The following DCDC2C variants were observed in gnomAD, a reference collection of about 807,000 sequenced individuals.
DCDC2C encodes doublecortin domain-containing protein 2C.
A neutral mutation model predicts 45.0 loss-of-function variants in DCDC2C; 44 were observed. The observed-to-expected ratio is 0.98, with a 90% CI of 0.77 to 1.26. The LOEUF (loss-of-function observed/expected upper bound fraction) is 1.26. Ranked by LOEUF, DCDC2C falls within the 50% of genes most tolerant of loss-of-function variation. The pLI is 0.00. For synonymous variants in DCDC2C, 187 were observed against 178.8 expected, an observed-to-expected ratio of 1.05 and a Z score of -0.37; for missense variants, 447 against 468.9, an observed-to-expected ratio of 0.95 and a Z score of 0.43.
intron 9 of DCDC2C, among the ~76,000 whole-genome samples, chr2:3,782,002 C>T (rs566812069): frequency 2.0e-5 from 3 of 152,342 alleles, no homozygotes; most frequent in South Asian, 2.1e-4. Flanking sequence ...CCATTTTCAA[C>T]GTGCAGTTCA....
chr2:3,835,614 T>C (rs1309618945), intron 10 of DCDC2C, among the ~76,000 whole-genome samples: 1 of 152,218 alleles, frequency 6.6e-6, no homozygotes, highest in Non-Finnish European at 1.5e-5. Flanking sequence ...TGAAAGGAAG[T>C]AACAGTGAAC....
At chr2:3,763,633 T>C (rs1255856637) in intron 6 of DCDC2C, among the ~76,000 whole-genome samples, 4 of 152,196 alleles carry the variant, frequency 2.6e-5, no homozygotes, top group Non-Finnish European at 4.4e-5. Flanking sequence ...CCCTGGAATA[T>C]ATGTCCTACT....
chr2:3,766,309 C>CGT (rs1670010989), intron 6 of DCDC2C, among the ~76,000 whole-genome samples: 2 of 122,010 alleles, frequency 1.6e-5, no homozygotes, highest in South Asian at 2.6e-4. Context: ...TACACACACA[C>CGT]GCACACACAC....
intron 10 of DCDC2C, among the ~76,000 whole-genome samples, chr2:3,802,909 G>A (rs1207171426): frequency 6.6e-6 from 1 of 152,058 alleles, no homozygotes; most frequent in African/African-American, 2.4e-5. Flanking sequence ...CAGGACTTTG[G>A]TTCTACTCAC....
At position 3,734,432 on chromosome 2, in the gene DCDC2C, C is replaced by T. The variant is rs1000672405; in HGVS notation, c.416+7353C>T. Among the ~76,000 whole-genome samples the T allele has an allele frequency of 2.4e-4, 36 of 152,122 alleles. No individual in the cohort carries two copies. Among genetic ancestry groups the T allele is most frequent in the African/African-American group, 7.0e-4 (29 of 41,468 alleles). ...AGACAATCATCTGATGTTGGTGACA[C>T]GGGTGTCACTAACATCCACTAACTA... On this transcript the variant is annotated intron_variant, in intron 3 of 10. Coordinates refer to ENST00000399143, the MANE Select transcript of DCDC2C (RefSeq NM_001287444.2). The surrounding 1 kb of genome is among the most constrained non-coding windows in gnomAD (Gnocchi z 4.2).
chr2:3,724,397 C>T (rs541199326), intron 2 of DCDC2C, among the ~76,000 whole-genome samples: 1 of 152,276 alleles, frequency 6.6e-6, no homozygotes, highest in African/African-American at 2.4e-5. Flanking sequence ...GTTCCTCTCA[C>T]CCTTCTTCCA....
At chr2:3,775,909 T>G (rs1224168979) in intron 8 of DCDC2C, among the ~76,000 whole-genome samples, 3 of 111,494 alleles carry the variant, frequency 2.7e-5, no homozygotes, top group Non-Finnish European at 5.9e-5. Flanking sequence ...GCTGTGGCTG[T>G]GGGCTAGGCA....
At chr2:3,812,021 G>A (rs1260843727) in intron 10 of DCDC2C, among the ~76,000 whole-genome samples, 3 of 149,492 alleles carry the variant, frequency 2.0e-5, no homozygotes, top group Admixed American at 6.6e-5. Flanking sequence ...TGTTAATCAC[G>A]GGTATTGGCC....
intron 10 of DCDC2C, among the ~76,000 whole-genome samples, chr2:3,827,164 T>A (rs1369998369): frequency 6.6e-6 from 1 of 152,142 alleles, no homozygotes; most frequent in African/African-American, 2.4e-5. Context: ...CAGACTTGAT[T>A]AAAATCAGAT....
intron 10 of DCDC2C, among the ~76,000 whole-genome samples, chr2:3,811,042 A>T (rs1319169255): frequency 6.6e-6 from 1 of 152,184 alleles, no homozygotes; most frequent in Non-Finnish European, 1.5e-5. Flanking sequence ...CTTTTTGCCT[A>T]GGATTATCTT....
intron 8 of DCDC2C, among the ~76,000 whole-genome samples, chr2:3,772,659 T>C (rs1416567510): frequency 1.3e-5 from 2 of 149,196 alleles, no homozygotes; most frequent in Non-Finnish European, 3.0e-5. Flanking sequence ...CATTTTGACC[T>C]GTACTTGGAT....
intron 10 of DCDC2C, among the ~76,000 whole-genome samples, chr2:3,791,584 C>T (rs1043780043): frequency 2.0e-5 from 3 of 152,164 alleles, no homozygotes; most frequent in Admixed American, 1.3e-4. Flanking sequence ...TGGAAGCTTC[C>T]CTACTTTCCT....
At chr2:3,737,744 T>C (rs927161371) in intron 3 of DCDC2C, among the ~76,000 whole-genome samples, 1 of 152,196 alleles carries the variant, frequency 6.6e-6, no homozygotes, top group Non-Finnish European at 1.5e-5. Context: ...AAAGTGTTCA[T>C]GGCTAGTGCT....
chr2:3,828,480 C>T (rs1164414817), intron 10 of DCDC2C, among the ~76,000 whole-genome samples: 1 of 151,968 alleles, frequency 6.6e-6, no homozygotes, highest in Non-Finnish European at 1.5e-5. Flanking sequence ...GCCCAGCAAC[C>T]CTTTGGGCTC....
chr2:3,839,302 T>G (rs1672153846), intron 10 of DCDC2C, among the ~76,000 whole-genome samples: 1 of 152,216 alleles, frequency 6.6e-6, no homozygotes, highest in Non-Finnish European at 1.5e-5. Context: ...ACAAACTAAT[T>G]ATACCTTCAA....
intron 9 of DCDC2C, among the ~76,000 whole-genome samples, 158 bp downstream of exon 9, chr2:3,779,042 G>A (rs915303651): frequency 1.3e-5 from 2 of 152,192 alleles, no homozygotes; most frequent in African/African-American, 2.4e-5. Flanking sequence ...GCAGGCAGCC[G>A]TGGACACGAT....
At chr2:3,741,020 T>C (rs987298885) in intron 3 of DCDC2C, among the ~76,000 whole-genome samples, 1 of 152,234 alleles carries the variant, frequency 6.6e-6, no homozygotes, top group African/African-American at 2.4e-5. Flanking sequence ...TTTACATTAT[T>C]TTAATGTGAA....
intron 10 of DCDC2C, among the ~76,000 whole-genome samples, chr2:3,788,828 C>G (rs1238502866): frequency 8.9e-6 from 1 of 112,712 alleles, no homozygotes; most frequent in Non-Finnish European, 1.8e-5. Context: ...CCTGCCTTCC[C>G]TCCCTTCCCC....
intron 10 of DCDC2C, among the ~76,000 whole-genome samples, chr2:3,846,555 A>G (rs1253957018): frequency 6.6e-6 from 1 of 152,194 alleles, no homozygotes; most frequent in Non-Finnish European, 1.5e-5. Flanking sequence ...ATGGAATTAA[A>G]CACTCTGAAC....
Sources: gnomAD v4.1 joint callset for allele counts (sites outside exome capture counted in the v4.1 genomes callset) on GRCh38, gnomAD v4.1.1 for gene constraint, Gnocchi (gnomAD v3.1) non-coding constraint, MANE v1.5 for transcripts, NCBI Gene and HGNC (gene_info 2026-07-23, HGNC 2026-07-21) for gene names.